NPEPL1: variants seen among roughly 807,000 people sequenced by gnomAD.
The protein encoded by NPEPL1 is probable aminopeptidase NPEPL1.
A neutral mutation model predicts 52.4 loss-of-function variants in NPEPL1; 45 were observed. The ratio of observed to expected loss-of-function variants is 0.86; its 90% CI spans 0.68 to 1.10. NPEPL1 has a LOEUF of 1.10. Ranked by LOEUF, NPEPL1 falls within the 50% of genes least tolerant of loss-of-function variation. The pLI, the probability that NPEPL1 is intolerant of heterozygous loss-of-function variation, is 0.00. For synonymous variants in NPEPL1, 360 were observed against 314.7 expected (o/e 1.14, Z -1.52); for missense variants, 696 against 710.9 (o/e 0.98, Z 0.24).
At chr20:58,691,065 A>C, upstream of NPEPL1, 1 of 701,984 alleles carries the variant, frequency 1.4e-6, no homozygotes, top group Non-Finnish European at 2.6e-6. Flanking sequence ...CTTCTTTCTC[A>C]ATCTCTTCGC....
At chr20:58,700,299 A>C (rs1468383895) in intron 5 of NPEPL1, among the ~76,000 whole-genome samples, 2 of 152,246 alleles carry the variant, frequency 1.3e-5, no homozygotes, top group Non-Finnish European at 2.9e-5. Context: ...GCACAAGGAC[A>C]TGAATACCCA....
At chr20:58,701,186 C>A in intron 6 of NPEPL1, 28 bp downstream of exon 6, 1 of 1,308,478 alleles carries the variant, frequency 7.6e-7, no homozygotes, top group Non-Finnish European at 1.0e-6. Context: ...TCTCAGGGTG[C>A]CCTGGGGGAG....
Position 58,694,607 on chromosome 20 carries a change from G to C in NPEPL1, c.507+15G>C, listed in dbSNP as rs758059094. On this transcript the variant is annotated intron_variant, in intron 3 of 11. Coordinates refer to ENST00000356091, the MANE Select transcript of NPEPL1 (RefSeq NM_024663.4). ...CCACATTGCAGGTGGGTGTCTGGAA[G>C]GGCAGACACTGCCCCTGGGCCCGGG... 12 of 1,603,860 alleles carry C rather than the reference G, an allele frequency of 7.5e-6. No homozygotes were observed.
intron 1 of NPEPL1, chr20:58,693,405 A>C: frequency 4.2e-6 from 1 of 239,080 alleles, no homozygotes; most frequent in Non-Finnish European, 8.1e-6. Context: ...CAGTGTCCCC[A>C]GCTGCCTTTC....
intron 10 of NPEPL1, chr20:58,714,333 G>C (rs1035102468): frequency 9.8e-6 from 6 of 611,072 alleles, no homozygotes; most frequent in African/African-American, 3.8e-5. Context: ...GTCTGGCTCA[G>C]TTGCCCCATC....
At chr20:58,699,084 C>A in intron 4 of NPEPL1, 113 bp from the exon 5 acceptor site, 2 of 1,012,448 alleles carry the variant, frequency 2.0e-6, no homozygotes, top group Non-Finnish European at 1.5e-6. Context: ...CCAAGCCCGG[C>A]TCCCCGACGC....
intron 1 of NPEPL1, 124 bp from the exon 2 acceptor site, chr20:58,693,613 C>T: frequency 6.3e-6 from 5 of 793,090 alleles, no homozygotes; most frequent in South Asian, 1.9e-5. Context: ...AAACGGTGGC[C>T]GGGAGCTGCG....
chr20:58,706,455 C>A (rs770680218), intron 6 of NPEPL1, among the ~76,000 whole-genome samples: 1 of 152,196 alleles, frequency 6.6e-6, no homozygotes, highest in Non-Finnish European at 1.5e-5. Context: ...CCTCTAAGTG[C>A]CAGGGAGAGG....
At chr20:58,705,940 T>TA (rs1418068375) in intron 6 of NPEPL1, among the ~76,000 whole-genome samples, 3 of 152,230 alleles carry the variant, frequency 2.0e-5, no homozygotes, top group Non-Finnish European at 4.4e-5. Flanking sequence ...TTCACTCAAT[T>TA]ATAAAAGCAG....
chr20:58,711,110 C>CTCCTCCCCCTCTCCT (rs1330738959), intron 7 of NPEPL1: 2 of 71,244 alleles, frequency 2.8e-5, no homozygotes, highest in Non-Finnish European at 2.5e-5. Context: ...CCTCCTCCCC[C>CTCCTCCCCCTCTCCT]CCTCCTCCCC....
chr20:58,707,374 C>T (rs573833724), intron 7 of NPEPL1, among the ~76,000 whole-genome samples, 174 bp downstream of exon 7: 1 of 152,334 alleles, frequency 6.6e-6, no homozygotes, highest in East Asian at 1.9e-4. Flanking sequence ...GAGCTTCCCG[C>T]CTTCATCAGA....
At chr20:58,692,644 G>A (rs1255108954), upstream of NPEPL1, 1 of 224,398 alleles carries the variant, frequency 4.5e-6, no homozygotes, top group Non-Finnish European at 7.4e-6. The surrounding 1 kb of genome is among the most constrained non-coding windows in gnomAD (Gnocchi z 5.7). Flanking sequence ...CTACTCGGCA[G>A]GGCCTGCTCG....
chr20:58,705,396 T>A (rs2084717687), intron 6 of NPEPL1: 1 of 448,990 alleles, frequency 2.2e-6, no homozygotes, highest in Admixed American at 2.4e-5. Context: ...ACACGGAATA[T>A]GGAAAATGTA....
At chr20:58,689,381 C>G (rs1183656453), upstream of NPEPL1, among the ~76,000 whole-genome samples, 1 of 152,152 alleles carries the variant, frequency 6.6e-6, no homozygotes, top group East Asian at 1.9e-4. Context: ...ATGCCTCAGC[C>G]TCCCGAGTAG....
In NPEPL1 at chr20:58,698,667, G is replaced by T; in HGVS notation, c.508-17G>T. 2 of 1,609,000 alleles carry T rather than the reference G, an allele frequency of 1.2e-6. No individual in the cohort carries two copies. Among genetic ancestry groups the T allele is most frequent in the Non-Finnish European group, 1.7e-6 (2 of 1,177,312 alleles). Reference sequence around the variant, plus strand: ...TGCCTCCCACCTGGTCCCCAGTGATGGCCTTTTTCTCCCTAGTGCTTAGCG... The same window carrying T: ...TGCCTCCCACCTGGTCCCCAGTGATTGCCTTTTTCTCCCTAGTGCTTAGCG... On this transcript the variant is annotated splice_polypyrimidine_tract_variant and intron_variant, in intron 3 of 11. Transcript: ENST00000356091.
intron 5 of NPEPL1, 108 bp downstream of exon 5, chr20:58,699,386 C>T (rs2084563981): frequency 2.4e-6 from 2 of 823,316 alleles, no homozygotes; most frequent in Non-Finnish European, 3.8e-6. Flanking sequence ...AAACTTCATC[C>T]TGCTTGTGAC....
At position 58,694,457 on chromosome 20, in the gene NPEPL1, C is replaced by T. The variant is rs1204012701; in HGVS notation, c.372C>T (p.Ala124=). ...VCEQPEVFAS[A]CALARAFPLF... ...AGCAGCCGGAGGTCTTTGCTTCCGC[C>T]TGTGCCCTGGCCCGGGCCTTCCCGC... The change falls in exon 3 of 12, where the codon GCC becomes GCT. Residue 124 remains alanine, a synonymous_variant. Transcript: ENST00000356091. 6.2e-7 allele frequency: 1 copy of T among 1,613,524 alleles called. No individual in the cohort carries two copies. The highest frequency in any genetic ancestry group is 1.7e-5 in the Admixed American group (1 of 59,928).
At chr20:58,712,282 AC>A (rs1568860808) in intron 7 of NPEPL1, among the ~76,000 whole-genome samples, 196 bp from the exon 8 acceptor site, 4 of 151,928 alleles carry the variant, frequency 2.6e-5, no homozygotes, top group South Asian at 4.2e-4. Flanking sequence ...AGGCTAGGAA[AC>A]CCCAGTGGTG....
intron 6 of NPEPL1, among the ~76,000 whole-genome samples, chr20:58,706,870 G>A (rs1268531630): frequency 1.3e-5 from 2 of 152,182 alleles, no homozygotes; most frequent in African/African-American, 4.8e-5. Context: ...TAACCCCAAA[G>A]TTCTGTCAAA....
Sources: gnomAD v4.1 joint callset for allele counts (sites outside exome capture counted in the v4.1 genomes callset) on GRCh38, gnomAD v4.1.1 for gene constraint, Gnocchi (gnomAD v3.1) non-coding constraint, MANE v1.5 for transcripts, NCBI Gene and HGNC (gene_info 2026-07-23, HGNC 2026-07-21) for gene names.